Variants in HEATR5B observed in about 807,000 individuals in gnomAD.
HEATR5B encodes HEAT repeat-containing protein 5B.
Under a neutral mutation model 224.1 loss-of-function variants are expected in HEATR5B, and 156 were observed. The ratio of observed to expected loss-of-function variants is 0.70; its 90% CI spans 0.61 to 0.80. The LOEUF (loss-of-function observed/expected upper bound fraction) is 0.80. Ranked by LOEUF, HEATR5B falls within the 30% of genes least tolerant of loss-of-function variation. The pLI is 0.00. For synonymous variants in HEATR5B, 1,027 were observed against 893.0 expected, an observed-to-expected ratio of 1.15 and a Z score of -2.68; for missense variants, 2,323 against 2,535.5, an observed-to-expected ratio of 0.92 and a Z score of 1.80.
chr2:37,065,761 A>T lies in HEATR5B; in HGVS notation c.1327T>A (p.Ser443Thr). The T allele has an allele frequency of 1.9e-6, 3 of 1,613,078 alleles. No homozygotes were observed. Among genetic ancestry groups the T allele is most frequent in the Non-Finnish European group, 1.7e-6 (2 of 1,179,332 alleles). Residue 443 changes from serine to threonine, a missense_variant, in exon 9 of 36, where the codon TCT (serine) becomes ACT (threonine). Physicochemically the swap from Ser to Thr is moderately conservative, Grantham distance 58 (BLOSUM62 1). Coordinates refer to ENST00000233099, the MANE Select transcript of HEATR5B (RefSeq NM_019024.3). Reference sequence around the variant, plus strand: ...AAGTAACTGAATGTCATACCTATAGATGCTTCTTGAATAAGAGGGGATGCG... The same window carrying T: ...AAGTAACTGAATGTCATACCTATAGTTGCTTCTTGAATAAGAGGGGATGCG... ...ATASPLIQEA[S>T]IGLLEIVTSV...
At chr2:36,994,311 C>T (rs887240640) in intron 33 of HEATR5B, among the ~76,000 whole-genome samples, 6 of 152,022 alleles carry the variant, frequency 3.9e-5, no homozygotes, top group East Asian at 1.9e-4. Context: ...GATCTAAAAA[C>T]GAAAAACAAT....
chr2:37,076,705 C>T (rs1302584837), intron 4 of HEATR5B, among the ~76,000 whole-genome samples: 1 of 145,068 alleles, frequency 6.9e-6, no homozygotes, highest in Non-Finnish European at 1.5e-5. Flanking sequence ...TAAAAAATAA[C>T]AAGTAAACCT....
At position 37,037,145 on chromosome 2, in the gene HEATR5B, G is replaced by GAGATAGATAGATATATATATATATATAT; in HGVS notation, c.3216+709_3216+710insATATATATATATATATATCTATCTATCT. Among the ~76,000 whole-genome samples, 42 of 89,138 alleles carry GAGATAGATAGATATATATATATATATAT rather than the reference G, an allele frequency of 4.7e-4. 2 individuals carry two copies. Among genetic ancestry groups the GAGATAGATAGATATATATATATATATAT allele is most frequent in the African/African-American group, 1.5e-3 (39 of 26,366 alleles). The allele number at this position is 89,138 out of a possible 152,430, so 58.5% of individuals were successfully genotyped here. On this transcript the variant is annotated intron_variant, in intron 21 of 35. Coordinates refer to ENST00000233099, the MANE Select transcript of HEATR5B (RefSeq NM_019024.3). ...TTCCGAGTAGGAAAACTAAAAATGT[G>GAGATAGATAGATATATATATATATATAT]ATATATATATATATTTTGGAGATGG...
intron 26 of HEATR5B, among the ~76,000 whole-genome samples, chr2:37,017,230 C>T (rs906267595): frequency 2.6e-5 from 4 of 152,052 alleles, no homozygotes; most frequent in African/African-American, 9.7e-5. Context: ...ACCAAAAATA[C>T]AAAAATTAGC....
intron 35 of HEATR5B, among the ~76,000 whole-genome samples, chr2:36,987,995 G>C (rs59420011): frequency 0.048 from 7,292 of 151,820 alleles, 246 homozygotes; most frequent in East Asian, 0.12. Context: ...TTGTTTCAGT[G>C]CAGGAGGCAG....
chr2:37,029,711 TG>T (rs1245444908), intron 22 of HEATR5B, among the ~76,000 whole-genome samples: 1 of 150,418 alleles, frequency 6.6e-6, no homozygotes, highest in Non-Finnish European at 1.5e-5. Flanking sequence ...GGGGCTGAGG[TG>T]GGAGGTTCAC....
intron 24 of HEATR5B, among the ~76,000 whole-genome samples, chr2:37,025,411 A>G (rs1375908699): frequency 7.2e-5 from 11 of 152,142 alleles, no homozygotes; most frequent in Non-Finnish European, 1.6e-4. Flanking sequence ...ACGATTCTGA[A>G]GATTCAGAGA....
At chr2:37,000,063 T>C (rs1055108074) in intron 33 of HEATR5B, among the ~76,000 whole-genome samples, 1 of 151,708 alleles carries the variant, frequency 6.6e-6, no homozygotes, top group African/African-American at 2.4e-5. Flanking sequence ...AACCTCCCAG[T>C]ATATTTATAT....
At chr2:36,999,649 A>T (rs1666956165) in intron 33 of HEATR5B, among the ~76,000 whole-genome samples, 1 of 152,002 alleles carries the variant, frequency 6.6e-6, no homozygotes, top group African/African-American at 2.4e-5. Context: ...AGTGAACTCC[A>T]GACTGGGCAA....
chr2:37,058,828 T>G (rs1271022417), intron 13 of HEATR5B, 60 bp downstream of exon 13: 2 of 1,028,354 alleles, frequency 1.9e-6, no homozygotes, highest in African/African-American at 1.6e-5. Context: ...AAAATATGGC[T>G]GAGAAGTATA....
Position 37,003,639 on chromosome 2 carries a change from G to A in HEATR5B, c.4953C>T (p.Thr1651=), listed in dbSNP as rs771697224. ...ACAGCTGGACAGATGATGGATTCCAGGTCAATAGAAGGCGGTGCAAAACAC... is the reference window on the plus strand; with the variant it reads ...ACAGCTGGACAGATGATGGATTCCAAGTCAATAGAAGGCGGTGCAAAACAC... ...LLSVLHRLLL[T]WNPSSVQLLV... is the part of the protein sequence containing the mutation. The change falls in exon 31 of 36, where the codon ACC becomes ACT. Residue 1651 remains threonine, a synonymous_variant. Coordinates refer to ENST00000233099, the MANE Select transcript of HEATR5B (RefSeq NM_019024.3). The A allele has an allele frequency of 1.9e-6, 3 of 1,612,294 alleles. No homozygotes were observed. Among genetic ancestry groups the A allele is most frequent in the African/African-American group, 2.7e-5 (2 of 74,834 alleles).
chr2:37,084,021 G>A (rs369216376), intron 1 of HEATR5B, among the ~76,000 whole-genome samples: 157 of 152,184 alleles, frequency 1.0e-3, no homozygotes, highest in African/African-American at 3.7e-3. Context: ...TCGCGCGCTC[G>A]GGGTCTGGCT....
At chr2:37,011,373 C>G (rs6753260) in intron 27 of HEATR5B, among the ~76,000 whole-genome samples, 27,278 of 152,144 alleles carry the variant, frequency 0.18, 3,151 homozygotes, top group East Asian at 0.52. Flanking sequence ...CTGGAAGTAG[C>G]TGAAGTTTTT....
chr2:37,060,474 T>C, intron 12 of HEATR5B, 107 bp downstream of exon 12: 2 of 884,224 alleles, frequency 2.3e-6, no homozygotes, highest in South Asian at 2.4e-5. Flanking sequence ...TATGAATTTA[T>C]CATTACCTAG....
intron 9 of HEATR5B, 25 bp downstream of exon 9, chr2:37,065,730 A>T: frequency 6.3e-7 from 1 of 1,590,448 alleles, no homozygotes; most frequent in Non-Finnish European, 8.6e-7. Flanking sequence ...GGAAACACAT[A>T]CTAGCAAGTA....
chr2:37,082,171 G>T lies in HEATR5B; in HGVS notation c.126+1118C>A, dbSNP rs1055583761. On this transcript the variant is annotated intron_variant, in intron 2 of 35. Coordinates refer to ENST00000233099, the MANE Select transcript of HEATR5B (RefSeq NM_019024.3). The stretch of plus-strand genomic sequence containing the variant: ...TGCAACCTCTGCCTTTCCGGCTCAA[G>T]CGATTCTCCTGCCTCAGCCTCCCCA... Among the ~76,000 whole-genome samples, 4 of 140,370 alleles carry T rather than the reference G, an allele frequency of 2.8e-5. No individual in the cohort carries two copies. In the Admixed American group the frequency reaches 3.2e-4, roughly 11 times the overall value. The allele number at this position is 140,370 out of a possible 152,430, so 92.1% of individuals were successfully genotyped here. A position where few individuals can be genotyped will look rare whatever the true frequency, so the allele number is the denominator to read the frequency against.
intron 18 of HEATR5B, among the ~76,000 whole-genome samples, chr2:37,045,010 G>A (rs886646313): frequency 3.3e-5 from 5 of 152,098 alleles, no homozygotes; most frequent in Admixed American, 6.6e-5. Flanking sequence ...CTAACCTTCT[G>A]TAAATCCTAT....
At chr2:37,082,086 T>TCC (rs1553329859) in intron 2 of HEATR5B, among the ~76,000 whole-genome samples, 6 of 56,036 alleles carry the variant, frequency 1.1e-4, no homozygotes, top group South Asian at 9.1e-4. Context: ...TTTTTTTTTT[T>TCC]CAGATGGAGT....
At chr2:37,043,606 C>T (rs928236528) in intron 18 of HEATR5B, among the ~76,000 whole-genome samples, 2 of 151,622 alleles carry the variant, frequency 1.3e-5, no homozygotes, top group African/African-American at 2.4e-5. Flanking sequence ...TTGTTGTTTC[C>T]TAATCCTTAA....
Sources: gnomAD v4.1 joint callset for allele counts (sites outside exome capture counted in the v4.1 genomes callset) on GRCh38, gnomAD v4.1.1 for gene constraint, MANE v1.5 for transcripts, NCBI Gene and HGNC (gene_info 2026-07-23, HGNC 2026-07-21) for gene names.